CREM: variants seen among roughly 807,000 people sequenced by gnomAD.
The protein encoded by CREM is cAMP-responsive element modulator.
In CREM, 13 loss-of-function variants were observed where a neutral mutation model predicts 37.3. The observed-to-expected ratio is 0.35, with a 90% CI of 0.23 to 0.55. The LOEUF (loss-of-function observed/expected upper bound fraction) is 0.55, where lower values mean the gene tolerates loss of function less well. Ranked by LOEUF, CREM falls within the 20% of genes least tolerant of loss-of-function variation. The pLI, the probability that CREM is intolerant of heterozygous loss-of-function variation, is 0.88. For missense variants in CREM, 296 were observed against 362.3 expected, an observed-to-expected ratio of 0.82 and a Z score of 1.49; for synonymous variants, 124 against 120.2, an observed-to-expected ratio of 1.03 and a Z score of -0.21.
Position 35,127,040 on chromosome 10 carries a change from C to T in CREM, c.-208C>T, listed in dbSNP as rs2087897102. On this transcript the variant is annotated 5_prime_UTR_variant, in exon 1 of 8. Transcript: ENST00000685392. Reference sequence around the variant, plus strand: ...GTCGGCAGGGAGGCCGCGGCTACCGCATCACAGCTGACGTGAGGACTACGT... The same window carrying T: ...GTCGGCAGGGAGGCCGCGGCTACCGTATCACAGCTGACGTGAGGACTACGT... 6.5e-6 allele frequency: 1 copy of T among 152,830 alleles called. No individual in the cohort carries two copies. Among genetic ancestry groups the T allele is most frequent in the African/African-American group, 2.4e-5 (1 of 41,452 alleles). The allele number at this position is 152,830 out of a possible 1,614,324, so 9.5% of individuals were successfully genotyped here.
chr10:35,133,236 T>C (rs2089779343), intron 1 of CREM, among the ~76,000 whole-genome samples: 2 of 152,178 alleles, frequency 1.3e-5, no homozygotes, highest in South Asian at 4.1e-4. Flanking sequence ...AAGTGTCTTA[T>C]AAAGAATTCT....
In CREM at chr10:35,211,525, AAATTG is replaced by A. The variant is rs1377054961; in HGVS notation, c.*133_*137del. On this transcript the variant is annotated 3_prime_UTR_variant, in exon 8 of 8. Coordinates refer to ENST00000685392, the MANE Select transcript of CREM (RefSeq NM_183011.2). ...AGAATCCAGTTTGGATTAGTGTTTG[AAATTG>A]AATTGGGAATGTTGTTCCAGGATGT... 10 of 1,496,248 alleles carry A rather than the reference AAATTG, an allele frequency of 6.7e-6. No individual in the cohort carries two copies. Among genetic ancestry groups the A allele is most frequent in the East Asian group, 2.3e-5 (1 of 43,700 alleles). The allele number at this position is 1,496,248 out of a possible 1,614,324, so 92.7% of individuals were successfully genotyped here. A position where few individuals can be genotyped will look rare whatever the true frequency, so the allele number is the denominator to read the frequency against.
intron 3 of CREM, among the ~76,000 whole-genome samples, chr10:35,176,409 CTTT>C (rs773627501): frequency 5.3e-5 from 7 of 133,112 alleles, no homozygotes; most frequent in Admixed American, 7.7e-5. Context: ...TTTTTTTCTT[CTTT>C]TTTTTTTTTT....
At chr10:35,187,101 ATATATAT>A (rs1225388973) in intron 5 of CREM, among the ~76,000 whole-genome samples, 15 of 69,432 alleles carry the variant, frequency 2.2e-4, no homozygotes, top group African/African-American at 8.1e-4. Context: ...AATATATATG[ATATATAT>A]TATATAAATA....
At chr10:35,191,444 T>A (rs115177713) in intron 6 of CREM, among the ~76,000 whole-genome samples, 4,047 of 152,038 alleles carry the variant, frequency 0.027, 179 homozygotes, top group African/African-American at 0.089. Flanking sequence ...TCTTTTTTTC[T>A]TTTCCTTAAA....
intron 3 of CREM, among the ~76,000 whole-genome samples, chr10:35,172,674 A>G (rs547443077): frequency 6.6e-6 from 1 of 151,810 alleles, no homozygotes; most frequent in Non-Finnish European, 1.5e-5. Context: ...CTGTTTTGAT[A>G]TTCTGTGTCC....
chr10:35,167,812 T>A (rs1273723790), intron 3 of CREM: 5 of 1,611,510 alleles, frequency 3.1e-6, no homozygotes, highest in Non-Finnish European at 4.2e-6. Flanking sequence ...AGGTAAATGA[T>A]GTCTGCTATA....
Position 35,206,959 on chromosome 10 carries a change from G to A in CREM, c.663G>A (p.Val221=). Residue 221 remains valine (V), a synonymous_variant, in exon 7 of 8, where the codon GTG becomes GTA. Transcript: ENST00000685392. ...CTACTGCTGCTTTGCCACAGGGAGTGGTGATGGCTGCATCGCCCGGAAGTT... is the reference window on the plus strand; with the variant it reads ...CTACTGCTGCTTTGCCACAGGGAGTAGTGATGGCTGCATCGCCCGGAAGTT... ...RAPTAALPQG[V]VMAASPGSLH... 6.2e-7 allele frequency: 1 copy of A among 1,614,076 alleles called. No individual in the cohort carries two copies. The highest frequency in any genetic ancestry group is 8.5e-7 in the Non-Finnish European group (1 of 1,180,016).
At chr10:35,148,693 T>TGCC in intron 3 of CREM, 1 of 508,568 alleles carries the variant, frequency 2.0e-6, no homozygotes, top group South Asian at 2.9e-5. Context: ...CCATCTCCAT[T>TGCC]GCCACCACCA....
chr10:35,175,706 G>A, intron 3 of CREM: 5 of 1,614,154 alleles, frequency 3.1e-6, no homozygotes, highest in Non-Finnish European at 4.2e-6. Flanking sequence ...CCTCCCGATG[G>A]TAAGTATCCT....
chr10:35,141,079 C>T (rs948418425), intron 2 of CREM, among the ~76,000 whole-genome samples: 17 of 152,230 alleles, frequency 1.1e-4, no homozygotes, highest in Admixed American at 5.2e-4. Context: ...TCTTAACCTC[C>T]CTGAGTCTCC....
intron 1 of CREM, among the ~76,000 whole-genome samples, chr10:35,135,071 A>G (rs1038867555): frequency 6.6e-6 from 1 of 152,014 alleles, no homozygotes; most frequent in African/African-American, 2.4e-5. Context: ...AATTAATTGA[A>G]GCTGTTGCAC....
chr10:35,182,687 A>T (rs1394662853), intron 5 of CREM, among the ~76,000 whole-genome samples: 1 of 152,206 alleles, frequency 6.6e-6, no homozygotes, highest in Non-Finnish European at 1.5e-5. Context: ...TTATCACAAA[A>T]ACTAAAAAGT....
At chr10:35,198,668 C>CT (rs1588709514) in intron 6 of CREM, among the ~76,000 whole-genome samples, 1 of 152,102 alleles carries the variant, frequency 6.6e-6, no homozygotes, top group Non-Finnish European at 1.5e-5. Context: ...CTTTTAGACT[C>CT]TGAGTCTGAC....
At chr10:35,176,983 A>G (rs555071713) in intron 3 of CREM, among the ~76,000 whole-genome samples, 33 of 152,272 alleles carry the variant, frequency 2.2e-4, no homozygotes, top group African/African-American at 7.9e-4. Context: ...GCATTTTTTA[A>G]AGTATGCATC....
chr10:35,147,125 A>G (rs2092221385), intron 2 of CREM, among the ~76,000 whole-genome samples: 1 of 138,570 alleles, frequency 7.2e-6, no homozygotes, highest in Non-Finnish European at 1.5e-5. Context: ...ATCTCGGCTC[A>G]CTGCAAGCTC....
intron 2 of CREM, among the ~76,000 whole-genome samples, chr10:35,147,279 T>C (rs2092242797): frequency 6.6e-6 from 1 of 151,980 alleles, no homozygotes; most frequent in South Asian, 2.1e-4. Context: ...GGTCTCGATC[T>C]CCTGACCTGG....
chr10:35,182,382 AT>A (rs34320503), intron 5 of CREM, among the ~76,000 whole-genome samples: 1 of 151,480 alleles, frequency 6.6e-6, no homozygotes, highest in African/African-American at 2.4e-5. Context: ...TGAGCTGTAA[AT>A]TTTTTTTAAT....
chr10:35,187,142 A>G (rs188333977), intron 5 of CREM, among the ~76,000 whole-genome samples: 14,745 of 85,528 alleles, frequency 0.17, 1,478 homozygotes, highest in East Asian at 0.25. Flanking sequence ...ATATATTAAT[A>G]TATAATATAT....
Sources: allele counts gnomAD v4.1 joint callset (sites outside exome capture counted in the v4.1 genomes callset), GRCh38; gene constraint gnomAD v4.1.1; transcripts MANE v1.5; gene names NCBI Gene and HGNC (gene_info 2026-07-23, HGNC 2026-07-21).